ZNF92: variants seen among roughly 807,000 people sequenced by gnomAD.
ZNF92 encodes zinc finger protein 92.
ZNF92 carries 11 observed loss-of-function variants against 12.4 expected under a neutral mutation model. The ratio of observed to expected loss-of-function variants is 0.89; its 90% CI spans 0.56 to 1.47. The LOEUF is 1.47. Ranked by LOEUF, ZNF92 falls within the 40% of genes most tolerant of loss-of-function variation. ZNF92 has a pLI of 0.00. For synonymous variants in ZNF92, 206 were observed against 228.6 expected, an observed-to-expected ratio of 0.90 and a Z score of 0.89; for missense variants, 622 against 681.0, an observed-to-expected ratio of 0.91 and a Z score of 0.96.
Position 65,400,008 on chromosome 7 carries a change from A to T in ZNF92, c.*133A>T, listed in dbSNP as rs949296774. The T allele has an allele frequency of 4.4e-5, 36 of 809,300 alleles. No homozygotes were observed. Among genetic ancestry groups the T allele is most frequent in the Non-Finnish European group, 6.4e-5 (35 of 549,852 alleles). 50.1% of individuals were successfully genotyped at this position (809,300 alleles called of 1,614,324 possible). A position where few individuals can be genotyped will look rare whatever the true frequency, so the allele number is the denominator to read the frequency against. Reference sequence around the variant, plus strand: ...CTTGATTGTAGGTAAGATAATTTATATTGGAGAAAAATCCTCCAAGTATGA... The same window carrying T: ...CTTGATTGTAGGTAAGATAATTTATTTTGGAGAAAAATCCTCCAAGTATGA... On this transcript the variant is annotated 3_prime_UTR_variant, in exon 4 of 4. Coordinates refer to ENST00000328747, the MANE Select transcript of ZNF92 (RefSeq NM_152626.4).
chr7:65,378,136 A>G (rs1793298738), intron 1 of ZNF92, among the ~76,000 whole-genome samples: 2 of 150,424 alleles, frequency 1.3e-5, no homozygotes, highest in South Asian at 4.2e-4. Flanking sequence ...CGGATCTACT[A>G]AAAGTACAAA....
chr7:65,385,208 C>A (rs1027919276), intron 1 of ZNF92, among the ~76,000 whole-genome samples: 1 of 152,102 alleles, frequency 6.6e-6, no homozygotes, highest in African/African-American at 2.4e-5. Context: ...CCTGCAGAAT[C>A]ACATTACATA....
chr7:65,398,932 C>T lies in ZNF92; in HGVS notation c.818C>T (p.Thr273Ile), dbSNP rs373064091. The change falls in exon 4 of 4, where the codon ACT (threonine) becomes ATT (isoleucine). Residue 273 changes from threonine to isoleucine, a missense_variant. Physicochemically the swap from Thr to Ile is moderately conservative, Grantham distance 89. Coordinates refer to ENST00000328747, the MANE Select transcript of ZNF92 (RefSeq NM_152626.4). ...GKAFNRSSTLTKHKRIHTEEK... is the reference protein window; with the variant it reads ...GKAFNRSSTLIKHKRIHTEEK... Reference sequence around the variant, plus strand: ...GCTTTTAACCGGTCCTCAACCCTTACTAAACATAAAAGAATTCATACAGAA... The same window carrying T: ...GCTTTTAACCGGTCCTCAACCCTTATTAAACATAAAAGAATTCATACAGAA... 3.7e-6 allele frequency: 6 copies of T among 1,612,194 alleles called. No homozygotes were observed. Among genetic ancestry groups the T allele is most frequent in the East Asian group, 4.5e-5 (2 of 44,806 alleles).
In ZNF92 at chr7:65,377,629, C is replaced by T. The variant is rs182875647; in HGVS notation, c.3+3629C>T. 3.6e-3 allele frequency among the ~76,000 whole-genome samples: 399 copies of T among 110,350 alleles called. 4 individuals are homozygous for T. The highest frequency in any genetic ancestry group is 5.0e-3 in the Non-Finnish European group (285 of 57,240). The allele number at this position is 110,350 out of a possible 152,430, so 72.4% of individuals were successfully genotyped here. A position where few individuals can be genotyped will look rare whatever the true frequency, so the allele number is the denominator to read the frequency against. On this transcript the variant is annotated intron_variant, in intron 1 of 3. Transcript: ENST00000328747. Reference sequence around the variant, plus strand: ...GCGATCTAGACTCACTGCAACGGCGCGATCTAGACTCACTGCAACCTCCGC... The same window carrying T: ...GCGATCTAGACTCACTGCAACGGCGTGATCTAGACTCACTGCAACCTCCGC...
intron 3 of ZNF92, among the ~76,000 whole-genome samples, chr7:65,397,679 C>A (rs796595718): frequency 2.2e-5 from 3 of 135,442 alleles, no homozygotes; most frequent in Admixed American, 7.6e-5. Flanking sequence ...CTAGAGATTC[C>A]GGGAGTCTCT....
At position 65,398,747 on chromosome 7, in the gene ZNF92, C is replaced by G; in HGVS notation, c.633C>G (p.Asn211Lys). 1.9e-6 allele frequency: 3 copies of G among 1,612,938 alleles called. No homozygotes were observed. Among genetic ancestry groups the G allele is most frequent in the Non-Finnish European group, 1.7e-6 (2 of 1,179,692 alleles). ...YKCEECGKAF[N>K]WSSTLTKHKI... The stretch of plus-strand genomic sequence containing the variant: ...GTGAAGAATGTGGTAAAGCCTTTAA[C>G]TGGTCCTCAACCCTTACTAAACATA... The change falls in exon 4 of 4, where the codon AAC (asparagine) becomes AAG (lysine). Residue 211 changes from asparagine to lysine, a missense_variant. Physicochemically the swap from Asn to Lys is moderately conservative, Grantham distance 94 (BLOSUM62 0). Coordinates refer to ENST00000328747, the MANE Select transcript of ZNF92 (RefSeq NM_152626.4).
chr7:65,398,161 C>T (rs890273773), intron 3 of ZNF92, among the ~76,000 whole-genome samples, 180 bp from the exon 4 acceptor site: 4 of 152,034 alleles, frequency 2.6e-5, no homozygotes, highest in Non-Finnish European at 5.9e-5. Flanking sequence ...AGCTTTTCCA[C>T]AAATGTATTT....
rs1403814320 is a variant in ZNF92 at position 65,387,937 on chromosome 7, C to A, written c.39C>A (p.Phe13Leu). ...CATTTAGGGATGTGAAAATAGAATTCTCTCTAGAGGAATGGCAATGCCTGG... is the reference window on the plus strand; with the variant it reads ...CATTTAGGGATGTGAAAATAGAATTATCTCTAGAGGAATGGCAATGCCTGG... The part of the protein sequence containing the change: ...PLTFRDVKIE[F>L]SLEEWQCLDT... The change falls in exon 2 of 4, where the codon TTC (phenylalanine) becomes TTA (leucine). Residue 13 changes from phenylalanine to leucine, a missense_variant. Physicochemically the swap from Phe to Leu is conservative, Grantham distance 22. Coordinates refer to ENST00000328747, the MANE Select transcript of ZNF92 (RefSeq NM_152626.4). The A allele has an allele frequency of 1.2e-6, 2 of 1,607,702 alleles. No individual in the cohort carries two copies. The highest frequency in any genetic ancestry group is 2.2e-5 in the East Asian group (1 of 44,628).
In ZNF92 at chr7:65,399,063, G is replaced by T. The variant is rs1793932414; in HGVS notation, c.949G>T (p.Glu317Ter). The T allele has an allele frequency of 6.2e-7, 1 of 1,613,118 alleles. No homozygotes were observed. The highest frequency in any genetic ancestry group is 8.5e-7 in the Non-Finnish European group (1 of 1,179,676). Residue 317 changes from glutamate (E) to a stop codon, truncating the protein, a stop_gained, in exon 4 of 4, where the codon GAA (glutamate) becomes TAA (stop). Coordinates refer to ENST00000328747, the MANE Select transcript of ZNF92 (RefSeq NM_152626.4). LOFTEE classifies it low-confidence loss of function (END_TRUNC). ...GGAAGATAAACCCTACAAATGTGAA[G>T]AATGTGGCAAAGCCTTTAGAGTATT... ...HMEDKPYKCE[E>*]CGKAFRVFSI...
At chr7:65,378,780 C>A (rs1793324605) in intron 1 of ZNF92, among the ~76,000 whole-genome samples, 1 of 151,920 alleles carries the variant, frequency 6.6e-6, no homozygotes, top group Admixed American at 6.6e-5. Flanking sequence ...ACCACTGAAG[C>A]CAAATTCAGC....
intron 1 of ZNF92, among the ~76,000 whole-genome samples, chr7:65,387,398 C>T (rs1793598807): frequency 6.6e-6 from 1 of 151,948 alleles, no homozygotes; most frequent in African/African-American, 2.4e-5. Context: ...AAAACCCACA[C>T]TCCTCCCCCT....
intron 1 of ZNF92, among the ~76,000 whole-genome samples, chr7:65,385,872 G>C (rs532678839): frequency 6.6e-6 from 1 of 151,998 alleles, no homozygotes; most frequent in Non-Finnish European, 1.5e-5. Flanking sequence ...CGCTAAAAGT[G>C]TCTCAGATCA....
At chr7:65,388,221 T>C (rs1451808866) in intron 2 of ZNF92, 193 bp downstream of exon 2, 3 of 436,896 alleles carry the variant, frequency 6.9e-6, no homozygotes, top group East Asian at 6.1e-5. Flanking sequence ...TCCACATTCC[T>C]GAGCTGATCT....
chr7:65,381,654 T>G (rs910474751), intron 1 of ZNF92, among the ~76,000 whole-genome samples: 3 of 152,146 alleles, frequency 2.0e-5, no homozygotes, highest in African/African-American at 7.2e-5. Flanking sequence ...TTCCAGGGCA[T>G]TTTATAATTT....
At chr7:65,387,799 T>C (rs921928722) in intron 1 of ZNF92, 103 bp from the exon 2 acceptor site, 1 of 1,375,746 alleles carries the variant, frequency 7.3e-7, no homozygotes, top group Non-Finnish European at 9.6e-7. Flanking sequence ...AGTCAGAACT[T>C]GTTCTCTTTA....
At chr7:65,381,098 C>A (rs1195449056) in intron 1 of ZNF92, among the ~76,000 whole-genome samples, 22 of 152,142 alleles carry the variant, frequency 1.4e-4, no homozygotes, top group African/African-American at 5.1e-4. Context: ...ACTGCAACCT[C>A]CATCTCCTGG....
At chr7:65,376,934 A>G (rs1390516345) in intron 1 of ZNF92, among the ~76,000 whole-genome samples, 2 of 152,126 alleles carry the variant, frequency 1.3e-5, no homozygotes, top group Non-Finnish European at 2.9e-5. Context: ...TAAATTTGTT[A>G]CAGCGAATAT....
chr7:65,378,087 C>T (rs1358117180), intron 1 of ZNF92, among the ~76,000 whole-genome samples: 1 of 151,964 alleles, frequency 6.6e-6, no homozygotes, highest in Non-Finnish European at 1.5e-5. Context: ...CATGGTGGCT[C>T]ATGCCTGTAA....
Position 65,399,539 on chromosome 7 carries a change from T to C in ZNF92, c.1425T>C (p.His475=). The C allele has an allele frequency of 6.2e-7, 1 of 1,613,492 alleles. No homozygotes were observed. Among genetic ancestry groups the C allele is most frequent in the Non-Finnish European group, 8.5e-7 (1 of 1,179,702 alleles). ...CCCTTACTAAACATAAAATAATTCATACTAGAGAAAAACCCTACAAATGTG... is the reference window on the plus strand; with the variant it reads ...CCCTTACTAAACATAAAATAATTCACACTAGAGAAAAACCCTACAAATGTG... ...FSTLTKHKII[H]TREKPYKCEE... is the part of the protein sequence containing the mutation. The change falls in exon 4 of 4, where the codon CAT becomes CAC. Residue 475 remains histidine, a synonymous_variant. Transcript: ENST00000328747.
Sources: gnomAD v4.1 joint callset for allele counts (sites outside exome capture counted in the v4.1 genomes callset) on GRCh38, gnomAD v4.1.1 for gene constraint, MANE v1.5 for transcripts, NCBI Gene and HGNC (gene_info 2026-07-23, HGNC 2026-07-21) for gene names.